The following CPNE7 variants were observed in gnomAD, a reference collection of about 807,000 sequenced individuals.
CPNE7 encodes the protein copine-7.
CPNE7 carries 78 observed loss-of-function variants against 66.5 expected under a neutral mutation model. The observed-to-expected ratio is 1.17, with a 90% CI of 0.98 to 1.42. The LOEUF (loss-of-function observed/expected upper bound fraction) is 1.42, where lower values mean the gene tolerates loss of function less well. Ranked by LOEUF, CPNE7 falls within the 40% of genes most tolerant of loss-of-function variation. The pLI is 0.00. For synonymous variants in CPNE7, 468 were observed against 336.7 expected (o/e 1.39, Z -4.27); for missense variants, 1,012 against 776.6 (o/e 1.30, Z -3.60).
intron 2 of CPNE7, chr16:89,583,314 C>A: frequency 4.6e-6 from 4 of 869,760 alleles, no homozygotes; most frequent in Non-Finnish European, 7.5e-6. Flanking sequence ...TCACCTGGGC[C>A]TGGAGAGGGT....
chr16:89,580,538 C>T (rs1158997957), intron 2 of CPNE7, among the ~76,000 whole-genome samples: 14 of 142,556 alleles, frequency 9.8e-5, no homozygotes, highest in Admixed American at 1.4e-4. Context: ...TCCCATCACC[C>T]GTCACATGGA....
At chr16:89,587,481 C>T (rs2059073144) in intron 9 of CPNE7, 1 of 445,090 alleles carries the variant, frequency 2.2e-6, no homozygotes, top group Non-Finnish European at 4.5e-6. Context: ...GCTTGGGGTT[C>T]AGGAAGCAGC....
intron 8 of CPNE7, 71 bp from the exon 9 acceptor site, chr16:89,586,972 G>C: frequency 6.8e-7 from 1 of 1,466,892 alleles, no homozygotes; most frequent in Non-Finnish European, 9.3e-7. Context: ...GCGGGAGGCA[G>C]GCCTGGATCC....
chr16:89,587,583 G>C, intron 9 of CPNE7: 1 of 419,362 alleles, frequency 2.4e-6, no homozygotes. Context: ...AGAAACTGGA[G>C]TGAGCGTTTG....
chr16:89,586,883 A>T, intron 8 of CPNE7, 127 bp downstream of exon 8: 1 of 1,115,232 alleles, frequency 9.0e-7, no homozygotes, highest in Admixed American at 2.0e-5. Context: ...AGGGGCTGAG[A>T]GACGGGGAAG....
In CPNE7 at chr16:89,595,437, T is replaced by C. The variant is rs778785862; in HGVS notation, c.1373T>C (p.Val458Ala). 6.2e-7 allele frequency: 1 copy of C among 1,610,974 alleles called. No homozygotes were observed. The highest frequency in any genetic ancestry group is 1.3e-5 in the African/African-American group (1 of 74,920). Residue 458 changes from valine (V) to alanine (A), a missense_variant, in exon 14 of 15, where the codon GTG becomes GCG. Physicochemically the swap from Val to Ala is moderately conservative, Grantham distance 64. Transcript: ENST00000319518. Reference sequence around the variant, plus strand: ...ATGGCCGACACACGGGAGGCCATTGTGCGTGCCTCACGCCTGCCCATGTCC... The same window carrying C: ...ATGGCCGACACACGGGAGGCCATTGCGCGTGCCTCACGCCTGCCCATGTCC... ...TDMADTREAIVRASRLPMSII... is the reference protein window; with the variant it reads ...TDMADTREAIARASRLPMSII...
chr16:89,591,267 G>C lies in CPNE7; in HGVS notation c.1302+7G>C. On this transcript the variant is annotated splice_region_variant and intron_variant, in intron 13 of 14. Coordinates refer to ENST00000319518, the MANE Select transcript of CPNE7 (RefSeq NM_153636.3). ...GAGCACCGGGAAAGCCTCTGTAGGT[G>C]CCCGGGGGGTGTGGTGCATGCTTGG... 6.4e-7 allele frequency: 1 copy of C among 1,565,512 alleles called. No individual in the cohort carries two copies. The highest frequency in any genetic ancestry group is 8.6e-7 in the Non-Finnish European group (1 of 1,156,118).
Position 89,576,025 on chromosome 16 carries a change from A to G in CPNE7, c.128A>G (p.Asp43Gly). The G allele has an allele frequency of 1.5e-6, 2 of 1,346,908 alleles. No homozygotes were observed. Among genetic ancestry groups the G allele is most frequent in the South Asian group, 1.8e-5 (1 of 56,204 alleles). 83.4% of individuals were successfully genotyped at this position (1,346,908 alleles called of 1,614,324 possible). Residue 43 changes from aspartate (D) to glycine (G), a missense_variant, in exon 1 of 15, where the codon GAC becomes GGC. Asp to Gly is a moderately conservative substitution (Grantham distance 94, BLOSUM62 -1). Transcript: ENST00000319518. ...LLDRDPLTKS[D>G]PSVALLQQAQ... ...GACCGCGACCCGCTCACCAAGTCCG[A>G]CCCCAGCGTGGCGTTGCTGCAGCAG... is the stretch of plus-strand genomic sequence containing the variant.
At position 89,584,057 on chromosome 16, in the gene CPNE7, C is replaced by A; in HGVS notation, c.462C>A (p.Asn154Lys). The A allele has an allele frequency of 6.2e-7, 1 of 1,612,200 alleles. No individual in the cohort carries two copies. The highest frequency in any genetic ancestry group is 8.5e-7 in the Non-Finnish European group (1 of 1,179,646). Residue 154 changes from asparagine (N) to lysine (K), a missense_variant, in exon 4 of 15, where the codon AAC (asparagine) becomes AAA (lysine). Transcript: ENST00000319518. This position sits in a 1 kb window ranked among gnomAD's most constrained non-coding sequence, Gnocchi z 6.0. The stretch of plus-strand genomic sequence containing the variant: ...TCGCCGAGGACATCTCGGGGAACAA[C>A]GGCTACGTGGAGCTCTCCTTCCGGG... ...TVIAEDISGNNGYVELSFRAR... is the reference protein window; with the variant it reads ...TVIAEDISGNKGYVELSFRAR...
chr16:89,596,423 C>T (rs2059255961), intron 14 of CPNE7, 61 bp from the exon 15 acceptor site: 3 of 1,549,090 alleles, frequency 1.9e-6, no homozygotes, highest in Non-Finnish European at 1.7e-6. Context: ...AATCCAGTTG[C>T]AGGGACGGAT....
At chr16:89,589,429 C>G (rs961863886) in intron 10 of CPNE7, among the ~76,000 whole-genome samples, 5 of 152,212 alleles carry the variant, frequency 3.3e-5, no homozygotes, top group African/African-American at 1.2e-4. Context: ...GCTTGGGGCT[C>G]ACCCGCGTAT....
Position 89,579,928 on chromosome 16 carries a change from G to C in CPNE7, c.357+2207G>C, listed in dbSNP as rs1414500026. Among the ~76,000 whole-genome samples the C allele has an allele frequency of 6.9e-5, 3 of 43,198 alleles. 1 individual carries two copies. The highest frequency in any genetic ancestry group is 4.2e-4 in the East Asian group (1 of 2,396). The allele number at this position is 43,198 out of a possible 152,430, so 28.3% of individuals were successfully genotyped here. Reference sequence around the variant, plus strand: ...CACACGGAACATCCCGTCACCCGCTGACACAGAACATCTCACCCGTCACAT... The same window carrying C: ...CACACGGAACATCCCGTCACCCGCTCACACAGAACATCTCACCCGTCACAT... On this transcript the variant is annotated intron_variant, in intron 2 of 14. Coordinates refer to ENST00000319518, the MANE Select transcript of CPNE7 (RefSeq NM_153636.3).
chr16:89,581,815 T>G lies in CPNE7; in HGVS notation c.358-1882T>G, dbSNP rs2058962944. 2.0e-5 allele frequency among the ~76,000 whole-genome samples: 3 copies of G among 152,150 alleles called. No individual in the cohort carries two copies. The South Asian group carries it at 6.2e-4, about 32-fold the overall frequency. ...GTACGCCACCAGACCTGGCTACGTT[T>G]TGCATTTTTTGAAGAGACAGGGGTC... On this transcript the variant is annotated intron_variant, in intron 2 of 14. Transcript: ENST00000319518.
chr16:89,588,351 T>C (rs548986472), intron 9 of CPNE7, among the ~76,000 whole-genome samples: 2 of 152,280 alleles, frequency 1.3e-5, no homozygotes, highest in Non-Finnish European at 2.9e-5. Flanking sequence ...CCAGGCTTGG[T>C]CCACTTAGGC....
At chr16:89,586,943 C>T in intron 8 of CPNE7, 100 bp from the exon 9 acceptor site, 1 of 1,273,448 alleles carries the variant, frequency 7.9e-7, no homozygotes, top group Non-Finnish European at 1.1e-6. Flanking sequence ...GGTGGCACCC[C>T]AGAGGGACTG....
chr16:89,586,795 G>C (rs1275492972), intron 8 of CPNE7, 39 bp downstream of exon 8: 1 of 1,550,772 alleles, frequency 6.4e-7, no homozygotes, highest in South Asian at 1.1e-5. Context: ...CCACCCACAA[G>C]AGGGGCTTCC....
At chr16:89,582,782 G>A (rs1247904966) in intron 2 of CPNE7, among the ~76,000 whole-genome samples, 3 of 152,226 alleles carry the variant, frequency 2.0e-5, no homozygotes, top group African/African-American at 7.2e-5. Flanking sequence ...ACCTCATTGT[G>A]ACCTCCCAGC....
chr16:89,583,796 G>T, intron 3 of CPNE7, 25 bp downstream of exon 3: 1 of 1,610,640 alleles, frequency 6.2e-7, no homozygotes, highest in African/African-American at 1.3e-5. Context: ...CACCCCTGCA[G>T]CCTGCAGGCC....
In CPNE7 at chr16:89,596,814, A is replaced by G. The variant is rs1204194428; in HGVS notation, c.*193A>G. 6 of 613,754 alleles carry G rather than the reference A, an allele frequency of 9.8e-6. No homozygotes were observed. In the Admixed American group the frequency reaches 1.8e-4, roughly 19 times the overall value. The allele number at this position is 613,754 out of a possible 1,614,324, so 38.0% of individuals were successfully genotyped here. A position where few individuals can be genotyped will look rare whatever the true frequency, so the allele number is the denominator to read the frequency against. On this transcript the variant is annotated 3_prime_UTR_variant, in exon 15 of 15. Transcript: ENST00000319518. ...GGGGCCCCCAAGGCCGAAGGGTGAC[A>G]AAATACAGGCCCCCATGCCTGGCCC...
Sources: allele counts gnomAD v4.1 joint callset (sites outside exome capture counted in the v4.1 genomes callset), GRCh38; gene constraint gnomAD v4.1.1; non-coding constraint Gnocchi (gnomAD v3.1); transcripts MANE v1.5; gene names NCBI Gene and HGNC (gene_info 2026-07-23, HGNC 2026-07-21).